Variants in GALNTL6 observed in about 807,000 individuals in gnomAD.
The protein encoded by GALNTL6 is polypeptide N-acetylgalactosaminyltransferase-like 6.
Under a neutral mutation model 73.7 loss-of-function variants are expected in GALNTL6, and 46 were observed. The ratio of observed to expected loss-of-function variants is 0.62; its 90% confidence interval spans 0.49 to 0.80. The LOEUF is 0.80. Ranked by LOEUF, GALNTL6 falls within the 30% of genes least tolerant of loss-of-function variation. The probability of loss-of-function intolerance (pLI) is 0.00; values close to 1 mark genes in which losing one functional copy is unlikely to be tolerated. For synonymous variants in GALNTL6, 259 were observed against 263.7 expected, an observed-to-expected ratio of 0.98 and a Z score of 0.17; for missense variants, 604 against 755.0, an observed-to-expected ratio of 0.80 and a Z score of 2.34.
At chr4:172,462,368 G>A (rs1732649423) in intron 5 of GALNTL6, among the ~76,000 whole-genome samples, 1 of 152,146 alleles carries the variant, frequency 6.6e-6, no homozygotes, top group Admixed American at 6.6e-5. Context: ...TGCCTTGTGT[G>A]GGTCTTAAGA....
chr4:172,479,885 CTATT>C (rs770200393), intron 5 of GALNTL6, among the ~76,000 whole-genome samples: 3 of 152,170 alleles, frequency 2.0e-5, no homozygotes, highest in Non-Finnish European at 4.4e-5. Context: ...TTTGATAAAA[CTATT>C]TAACCTGCAA....
chr4:172,795,526 C>CT (rs1434329044), intron 5 of GALNTL6, among the ~76,000 whole-genome samples: 2 of 152,120 alleles, frequency 1.3e-5, no homozygotes, highest in African/African-American at 4.8e-5. Flanking sequence ...TCAGTCTCTT[C>CT]TTTTTTGAAA....
At chr4:172,838,076 G>A (rs929708604) in intron 7 of GALNTL6, among the ~76,000 whole-genome samples, 1 of 151,874 alleles carries the variant, frequency 6.6e-6, no homozygotes, top group Non-Finnish European at 1.5e-5. Flanking sequence ...GTCAGTGTTT[G>A]CTCGCACAGC....
chr4:172,073,277 T>C (rs530497503), intron 2 of GALNTL6, among the ~76,000 whole-genome samples: 29 of 152,300 alleles, frequency 1.9e-4, no homozygotes, highest in African/African-American at 6.7e-4. Context: ...TGAAACGATG[T>C]CTCCCCTATG....
intron 2 of GALNTL6, among the ~76,000 whole-genome samples, chr4:171,941,115 A>G (rs981231745): frequency 1.3e-5 from 2 of 152,170 alleles, no homozygotes; most frequent in Non-Finnish European, 2.9e-5. Context: ...TAATAGCTAC[A>G]TTTATGTATA....
chr4:172,329,602 T>C (rs1741058041), intron 4 of GALNTL6, among the ~76,000 whole-genome samples: 1 of 152,074 alleles, frequency 6.6e-6, no homozygotes, highest in Non-Finnish European at 1.5e-5. Context: ...TCCCACCCAG[T>C]GAGGAGGAAC....
At chr4:172,120,286 T>C (rs1161461363) in intron 2 of GALNTL6, among the ~76,000 whole-genome samples, 2 of 152,118 alleles carry the variant, frequency 1.3e-5, no homozygotes, top group Non-Finnish European at 2.9e-5. Flanking sequence ...TCCTCTCAAG[T>C]GCTGGGGGTC....
At chr4:172,193,475 A>G (rs1002821853) in intron 2 of GALNTL6, among the ~76,000 whole-genome samples, 6 of 152,078 alleles carry the variant, frequency 3.9e-5, no homozygotes, top group Admixed American at 3.9e-4. Flanking sequence ...ACCAAAAGCA[A>G]CAACAACAAC....
At chr4:172,244,562 A>G (rs770353539) in intron 3 of GALNTL6, among the ~76,000 whole-genome samples, 13 of 152,160 alleles carry the variant, frequency 8.5e-5, no homozygotes, top group Non-Finnish European at 1.6e-4. Flanking sequence ...AATAATAGCA[A>G]CTATCACAGA....
At chr4:172,371,571 C>T (rs1166042726) in intron 5 of GALNTL6, among the ~76,000 whole-genome samples, 5 of 151,976 alleles carry the variant, frequency 3.3e-5, no homozygotes. Context: ...TTCCTTCTTT[C>T]TCTCTGACTC....
At chr4:171,928,296 G>A (rs1738056985) in intron 2 of GALNTL6, among the ~76,000 whole-genome samples, 1 of 152,138 alleles carries the variant, frequency 6.6e-6, no homozygotes, top group Non-Finnish European at 1.5e-5. Context: ...CTTCTTAAAA[G>A]ATGGAGAGTT....
intron 2 of GALNTL6, among the ~76,000 whole-genome samples, chr4:171,889,155 A>T (rs1385789): frequency 0.24 from 37,068 of 151,888 alleles, 4,734 homozygotes; most frequent in Middle Eastern, 0.35. Context: ...GAAACATCAT[A>T]AAAAAAGATA....
chr4:172,040,830 T>G (rs1742068594), intron 2 of GALNTL6, among the ~76,000 whole-genome samples: 1 of 152,122 alleles, frequency 6.6e-6, no homozygotes, highest in Non-Finnish European at 1.5e-5. Flanking sequence ...GTTATTATCT[T>G]AGAATAATTA....
chr4:172,372,843 G>T (rs1207965965), intron 5 of GALNTL6, among the ~76,000 whole-genome samples: 2 of 152,106 alleles, frequency 1.3e-5, no homozygotes, highest in African/African-American at 4.8e-5. Flanking sequence ...TGATTCCAAG[G>T]AACACCTGCA....
chr4:171,991,156 A>T (rs1740320381), intron 2 of GALNTL6, among the ~76,000 whole-genome samples: 1 of 152,172 alleles, frequency 6.6e-6, no homozygotes, highest in South Asian at 2.1e-4. Flanking sequence ...TAAAAGAAAC[A>T]TTTCTCTTGT....
chr4:172,502,132 G>A (rs1402426544), intron 5 of GALNTL6, among the ~76,000 whole-genome samples: 1 of 152,002 alleles, frequency 6.6e-6, no homozygotes, highest in Non-Finnish European at 1.5e-5. Context: ...TTACACTATC[G>A]ACTTGGTAAA....
At chr4:172,820,652 A>C (rs1551666) in intron 7 of GALNTL6, among the ~76,000 whole-genome samples, 70,818 of 151,968 alleles carry the variant, frequency 0.47, 20,174 homozygotes, top group African/African-American at 0.81. Flanking sequence ...TATTAGGACA[A>C]CTCCAGAGCC....
At chr4:172,075,211 C>T (rs553303022) in intron 2 of GALNTL6, among the ~76,000 whole-genome samples, 3 of 152,192 alleles carry the variant, frequency 2.0e-5, no homozygotes, top group African/African-American at 7.2e-5. Context: ...AATGTATGAG[C>T]TACCTATCCA....
chr4:173,005,937 C>G (rs970354458), intron 10 of GALNTL6, among the ~76,000 whole-genome samples: 4 of 152,158 alleles, frequency 2.6e-5, no homozygotes, highest in African/African-American at 4.8e-5. Context: ...AAATGGTATC[C>G]TCCATCCCTG....
Sources: allele counts gnomAD v4.1 joint callset (sites outside exome capture counted in the v4.1 genomes callset), GRCh38; gene constraint gnomAD v4.1.1; transcripts MANE v1.5; gene names NCBI Gene and HGNC (gene_info 2026-07-23, HGNC 2026-07-21).